Variants in TANGO6 observed in about 807,000 individuals in gnomAD.
The protein encoded by TANGO6 is transport and golgi organization 6 homolog, also known as transport and Golgi organization protein 6 homolog.
Under a neutral mutation model 114.2 loss-of-function variants are expected in TANGO6, and 90 were observed. The ratio of observed to expected loss-of-function variants is 0.79; its 90% CI spans 0.66 to 0.94. The LOEUF is 0.94. Among genes scored for constraint, TANGO6 ranks in the 40% least tolerant of loss-of-function variants. The pLI is 0.00. For synonymous variants in TANGO6, 477 were observed against 509.8 expected, an observed-to-expected ratio of 0.94 and a Z score of 0.87; for missense variants, 1,274 against 1,315.3, an observed-to-expected ratio of 0.97 and a Z score of 0.49.
At chr16:68,988,285 T>C (rs868127595) in intron 15 of TANGO6, among the ~76,000 whole-genome samples, 1 of 152,240 alleles carries the variant, frequency 6.6e-6, no homozygotes. Context: ...GCACTTGATA[T>C]GTTTGACCAC....
intron 12 of TANGO6, among the ~76,000 whole-genome samples, chr16:68,920,672 G>A (rs532467500): frequency 8.9e-4 from 136 of 152,164 alleles, no homozygotes; most frequent in Middle Eastern, 6.8e-3. Context: ...TCTGATTCTC[G>A]ATGTATTAGA....
At position 69,000,580 on chromosome 16, in the gene TANGO6, A is replaced by C. The variant is rs115446932; in HGVS notation, c.2843-22248A>C. Among the ~76,000 whole-genome samples the C allele has an allele frequency of 6.9e-3, 1,053 of 152,166 alleles. 9 individuals are homozygous for C. The highest frequency in any genetic ancestry group is 0.024 in the African/African-American group (1,005 of 41,518). ...CCTATAGTTTATTTTAAAGGCAAAC[A>C]AAAATCTTTCTTTTTTTTTTCTTTT... is the stretch of plus-strand genomic sequence containing the variant. On this transcript the variant is annotated intron_variant, in intron 15 of 17. Transcript: ENST00000261778.
chr16:68,891,557 T>G (rs1340609819), intron 7 of TANGO6, among the ~76,000 whole-genome samples: 1 of 152,240 alleles, frequency 6.6e-6, no homozygotes, highest in African/African-American at 2.4e-5. Flanking sequence ...ACGTTTATTC[T>G]TAATGTTTTT....
At chr16:68,902,264 A>T in intron 8 of TANGO6, 64 bp from the exon 9 acceptor site, 1 of 1,482,188 alleles carries the variant, frequency 6.7e-7, no homozygotes. Context: ...TTCTTTTTTT[A>T]TGTTAGCTTG....
At chr16:68,903,845 C>G (rs1343729769) in intron 9 of TANGO6, among the ~76,000 whole-genome samples, 1 of 151,726 alleles carries the variant, frequency 6.6e-6, no homozygotes, top group East Asian at 1.9e-4. Flanking sequence ...TCACTCGAAC[C>G]CAGGAGATGA....
intron 15 of TANGO6, among the ~76,000 whole-genome samples, chr16:68,977,702 C>CA (rs370480305): frequency 3.5e-4 from 48 of 136,904 alleles, no homozygotes; most frequent in South Asian, 7.4e-4. Context: ...GATTCCGTCT[C>CA]AAAAAAAAAA....
intron 17 of TANGO6, among the ~76,000 whole-genome samples, chr16:69,077,291 C>T (rs1018384643): frequency 6.6e-6 from 1 of 151,824 alleles, no homozygotes; most frequent in African/African-American, 2.4e-5. Flanking sequence ...AGGATGGCAA[C>T]AGCAGATCAT....
intron 15 of TANGO6, among the ~76,000 whole-genome samples, chr16:69,009,957 T>G (rs1246837589): frequency 1.3e-5 from 2 of 152,206 alleles, no homozygotes; most frequent in African/African-American, 4.8e-5. Context: ...GTGTCAGTGC[T>G]GCTAAGCTGG....
intron 1 of TANGO6, among the ~76,000 whole-genome samples, chr16:68,845,945 C>T (rs774263464): frequency 3.9e-5 from 6 of 152,070 alleles, no homozygotes; most frequent in South Asian, 2.1e-4. Flanking sequence ...CCCCACCTCC[C>T]GGGTTCGAGC....
intron 17 of TANGO6, among the ~76,000 whole-genome samples, chr16:69,060,687 T>A (rs770472449): frequency 2.0e-5 from 3 of 151,708 alleles, no homozygotes; most frequent in Non-Finnish European, 4.4e-5. Context: ...ACTTTTTAGA[T>A]CTTGATCTTT....
intron 9 of TANGO6, among the ~76,000 whole-genome samples, chr16:68,906,792 C>CTTTT (rs35841953): frequency 1.5e-5 from 2 of 133,018 alleles, no homozygotes; most frequent in Admixed American, 7.8e-5. Flanking sequence ...GTTTCTTCTT[C>CTTTT]TTTTTTTTTT....
At chr16:69,045,221 G>C (rs1482412813) in intron 17 of TANGO6, among the ~76,000 whole-genome samples, 1 of 148,834 alleles carries the variant, frequency 6.7e-6, no homozygotes, top group African/African-American at 2.5e-5. Flanking sequence ...TTGGGAGGCC[G>C]AGGCGGGCGG....
intron 13 of TANGO6, 80 bp downstream of exon 13, chr16:68,928,163 A>G: frequency 2.1e-6 from 3 of 1,442,784 alleles, no homozygotes; most frequent in Non-Finnish European, 2.7e-6. Context: ...AGCCTGGACT[A>G]TGTGTCAAGT....
chr16:68,913,451 C>G (rs1962956077), intron 11 of TANGO6, among the ~76,000 whole-genome samples: 1 of 147,048 alleles, frequency 6.8e-6, no homozygotes, highest in African/African-American at 2.5e-5. Context: ...CTCTGTCGCC[C>G]AGGCTGGAGT....
chr16:69,018,891 CAG>C (rs1959354009), intron 15 of TANGO6, among the ~76,000 whole-genome samples: 1 of 152,082 alleles, frequency 6.6e-6, no homozygotes, highest in African/African-American at 2.4e-5. Context: ...GCCTGGGCGA[CAG>C]AGTGAGACTC....
intron 7 of TANGO6, among the ~76,000 whole-genome samples, chr16:68,894,935 G>A (rs1962683956): frequency 6.6e-6 from 1 of 151,992 alleles, no homozygotes. Context: ...CCCTCTATGT[G>A]GATTGTGAAT....
At chr16:68,977,829 GC>G (rs1963779326) in intron 15 of TANGO6, among the ~76,000 whole-genome samples, 1 of 151,314 alleles carries the variant, frequency 6.6e-6, no homozygotes, top group African/African-American at 2.4e-5. Flanking sequence ...GGGACCACAG[GC>G]CCACACCACC....
At chr16:68,968,669 ATT>A (rs1173517416) in intron 14 of TANGO6, among the ~76,000 whole-genome samples, 17 of 109,190 alleles carry the variant, frequency 1.6e-4, no homozygotes, top group African/African-American at 2.2e-4. Flanking sequence ...CCAGCCTAGC[ATT>A]TTTTTTTTTT....
chr16:69,083,095 CTTT>C (rs1201400628), intron 17 of TANGO6, among the ~76,000 whole-genome samples: 36 of 120,242 alleles, frequency 3.0e-4, no homozygotes, highest in African/African-American at 1.1e-3. Context: ...GCATTATCTT[CTTT>C]TTTTTTTTTT....
Sources: gnomAD v4.1 joint callset for allele counts (sites outside exome capture counted in the v4.1 genomes callset) on GRCh38, gnomAD v4.1.1 for gene constraint, MANE v1.5 for transcripts, NCBI Gene and HGNC (gene_info 2026-07-23, HGNC 2026-07-21) for gene names.